Variants in CNTNAP2 observed in about 807,000 individuals in gnomAD.
CNTNAP2 encodes contactin associated protein 2, also known as contactin-associated protein-like 2.
In CNTNAP2, 98 loss-of-function variants were observed where a neutral mutation model predicts 155.2. The observed-to-expected ratio is 0.63, with a 90% CI of 0.54 to 0.75. The LOEUF (loss-of-function observed/expected upper bound fraction) is 0.75. Among genes scored for constraint, CNTNAP2 ranks in the 30% least tolerant of loss-of-function variants. The pLI, the probability that CNTNAP2 is intolerant of heterozygous loss-of-function variation, is 0.00. For synonymous variants in CNTNAP2, 651 were observed against 631.2 expected (o/e 1.03, Z -0.47); for missense variants, 1,727 against 1,688.1 (o/e 1.02, Z -0.40).
At chr7:147,374,756 T>C (rs771803265) in intron 9 of CNTNAP2, among the ~76,000 whole-genome samples, 63 of 152,056 alleles carry the variant, frequency 4.1e-4, no homozygotes, top group Admixed American at 5.3e-4. Context: ...TTTTTTCTTT[T>C]GAGGGGCCCT....
intron 8 of CNTNAP2, among the ~76,000 whole-genome samples, chr7:147,267,691 T>C (rs1414783636): frequency 6.6e-6 from 1 of 152,212 alleles, no homozygotes; most frequent in Non-Finnish European, 1.5e-5. Context: ...ATTCACTTGT[T>C]TGTTGAATAA....
intron 1 of CNTNAP2, among the ~76,000 whole-genome samples, chr7:146,174,396 C>CT (rs1190553994): frequency 6.6e-6 from 1 of 151,952 alleles, no homozygotes; most frequent in Non-Finnish European, 1.5e-5. Flanking sequence ...AATTTTTGTA[C>CT]TTTTAGTAGA....
chr7:146,657,215 A>C (rs1800010571), intron 1 of CNTNAP2, among the ~76,000 whole-genome samples: 1 of 152,184 alleles, frequency 6.6e-6, no homozygotes, highest in African/African-American at 2.4e-5. Flanking sequence ...CCACCAATAG[A>C]TGGCATATTC....
chr7:146,515,109 T>C (rs1797521789), intron 1 of CNTNAP2, among the ~76,000 whole-genome samples: 1 of 151,974 alleles, frequency 6.6e-6, no homozygotes, highest in Admixed American at 6.6e-5. Flanking sequence ...TGAACTGCCT[T>C]TCTGTTTTAG....
At chr7:147,975,310 T>C (rs560385320) in intron 14 of CNTNAP2, among the ~76,000 whole-genome samples, 15 of 151,994 alleles carry the variant, frequency 9.9e-5, no homozygotes, top group Non-Finnish European at 2.1e-4. Context: ...AGTGTACTGA[T>C]TGGGAAGGGC....
chr7:146,370,730 A>G (rs1191640650), intron 1 of CNTNAP2, among the ~76,000 whole-genome samples: 1 of 152,186 alleles, frequency 6.6e-6, no homozygotes, highest in Admixed American at 6.5e-5. Flanking sequence ...AAAATAATAA[A>G]GACAAAGACA....
At chr7:146,408,008 T>C (rs1339384581) in intron 1 of CNTNAP2, among the ~76,000 whole-genome samples, 1 of 152,198 alleles carries the variant, frequency 6.6e-6, no homozygotes, top group Non-Finnish European at 1.5e-5. Context: ...TAACAGACTA[T>C]TATCAACAAG....
At chr7:148,242,778 A>C (rs1796182450) in intron 20 of CNTNAP2, among the ~76,000 whole-genome samples, 1 of 152,254 alleles carries the variant, frequency 6.6e-6, no homozygotes, top group African/African-American at 2.4e-5. Flanking sequence ...GAAGGAATCC[A>C]GTTTATGAAT....
chr7:147,702,652 G>C (rs191900256), intron 13 of CNTNAP2, among the ~76,000 whole-genome samples: 3 of 151,800 alleles, frequency 2.0e-5, no homozygotes, highest in Admixed American at 2.0e-4. Context: ...ACTTCCGGAG[G>C]CTTGCAGATG....
intron 10 of CNTNAP2, among the ~76,000 whole-genome samples, chr7:147,482,914 T>G (rs1798448899): frequency 6.7e-6 from 1 of 150,002 alleles, no homozygotes; most frequent in African/African-American, 2.5e-5. Flanking sequence ...GATGTCGTGG[T>G]ACACACCTGT....
At chr7:146,732,229 G>A (rs1282344372) in intron 1 of CNTNAP2, among the ~76,000 whole-genome samples, 1 of 152,082 alleles carries the variant, frequency 6.6e-6, no homozygotes, top group African/African-American at 2.4e-5. Flanking sequence ...ACCCTGCAAA[G>A]CAAATATCAT....
At chr7:147,608,541 A>G (rs1196248692) in intron 12 of CNTNAP2, among the ~76,000 whole-genome samples, 5 of 152,040 alleles carry the variant, frequency 3.3e-5, no homozygotes, top group Non-Finnish European at 7.4e-5. Context: ...GGTTCAAGCA[A>G]TCCTCCTGCC....
At chr7:147,077,221 T>A (rs1365701531) in intron 4 of CNTNAP2, among the ~76,000 whole-genome samples, 1 of 152,176 alleles carries the variant, frequency 6.6e-6, no homozygotes, top group African/African-American at 2.4e-5. Flanking sequence ...AACAAATTTA[T>A]TATTTAAAAA....
At chr7:147,642,303 A>G (rs1183377068) in intron 13 of CNTNAP2, among the ~76,000 whole-genome samples, 1 of 152,156 alleles carries the variant, frequency 6.6e-6, no homozygotes, top group African/African-American at 2.4e-5. Context: ...ATTAAACTCC[A>G]AAGTCAGCTT....
intron 1 of CNTNAP2, among the ~76,000 whole-genome samples, chr7:146,731,187 G>A (rs1162040792): frequency 1.3e-5 from 2 of 152,006 alleles, no homozygotes; most frequent in Non-Finnish European, 2.9e-5. Context: ...CAGATTGTAC[G>A]AGTGCCTCAT....
At chr7:147,200,785 T>G (rs931927994) in intron 8 of CNTNAP2, among the ~76,000 whole-genome samples, 1 of 152,184 alleles carries the variant, frequency 6.6e-6, no homozygotes, top group Non-Finnish European at 1.5e-5. Context: ...AAAGTTAAAA[T>G]AGGGCATTCT....
intron 1 of CNTNAP2, among the ~76,000 whole-genome samples, chr7:146,231,951 T>C (rs142674883): frequency 0.012 from 1,809 of 152,314 alleles, 36 homozygotes; most frequent in African/African-American, 0.041. Flanking sequence ...ACACATTTTT[T>C]TTCTAATTTT....
At position 146,742,334 on chromosome 7, in the gene CNTNAP2, A is replaced by ACTG. The variant is rs1340010454; in HGVS notation, c.98-31936_98-31934dup. On this transcript the variant is annotated intron_variant, in intron 1 of 23. Transcript: ENST00000361727. ...TACTTTTCACATTCCACTGCCAACC[A>ACTG]CTGACCACCAGTATGTTCACCTTTA... Among the ~76,000 whole-genome samples, 91 of 152,266 alleles carry ACTG rather than the reference A, an allele frequency of 6.0e-4. 1 individual carries two copies. The highest frequency in any genetic ancestry group is 9.6e-4 in the East Asian group (5 of 5,184).
At chr7:148,369,614 G>C (rs1013138949) in intron 21 of CNTNAP2, among the ~76,000 whole-genome samples, 38 of 150,352 alleles carry the variant, frequency 2.5e-4, no homozygotes, top group African/African-American at 8.8e-4. Context: ...TCAGGAAATG[G>C]GTTTGTGAGA....
Sources: gnomAD v4.1 joint callset for allele counts (sites outside exome capture counted in the v4.1 genomes callset) on GRCh38, gnomAD v4.1.1 for gene constraint, MANE v1.5 for transcripts, NCBI Gene and HGNC (gene_info 2026-07-23, HGNC 2026-07-21) for gene names.